YIF1A: variants seen among roughly 807,000 people sequenced by gnomAD.
YIF1A encodes Yip1 interacting factor homolog A, membrane trafficking protein.
Under a neutral mutation model 32.6 loss-of-function variants are expected in YIF1A, and 28 were observed. The observed-to-expected ratio is 0.86, with a 90% CI of 0.64 to 1.18. The LOEUF (loss-of-function observed/expected upper bound fraction) is 1.18. Ranked by LOEUF, YIF1A falls within the 50% of genes most tolerant of loss-of-function variation. The pLI is 0.00. For synonymous variants in YIF1A, 175 were observed against 162.2 expected (o/e 1.08, Z -0.60); for missense variants, 373 against 390.8 (o/e 0.95, Z 0.38).
At chr11:66,287,558 C>T (rs757592520) in intron 4 of YIF1A, 40 bp downstream of exon 4, 25 of 1,572,444 alleles carry the variant, frequency 1.6e-5, no homozygotes, top group Non-Finnish European at 2.1e-5. Context: ...CCCCCCCGAC[C>T]CCACCCCACC....
In YIF1A at chr11:66,285,503, G is replaced by T; in HGVS notation, c.519C>A (p.Ser173Arg). 6.2e-7 allele frequency: 1 copy of T among 1,613,192 alleles called. No individual in the cohort carries two copies. Among genetic ancestry groups the T allele is most frequent in the South Asian group, 1.1e-5 (1 of 91,082 alleles). The change falls in exon 6 of 8, where the codon AGC (serine) becomes AGA (arginine). Residue 173 changes from serine to arginine, a missense_variant. Ser to Arg is a moderately radical substitution (Grantham distance 110). Coordinates refer to ENST00000376901, the MANE Select transcript of YIF1A (RefSeq NM_020470.3). ...CCATCACCACCCACACCAGCGCTGT[G>T]CTTGCACACAGGCCCAGCACCTCCG... ...FSPEVLGLCA[S>R]TALVWVVMEV... is the part of the protein sequence containing the mutation.
At position 66,287,890 on chromosome 11, in the gene YIF1A, TTTGCTCACAGACAC is replaced by T; in HGVS notation, c.256_269del (p.Val86ThrfsTer35). 1 of 1,613,630 alleles carries T rather than the reference TTTGCTCACAGACAC, an allele frequency of 6.2e-7. No homozygotes were observed. Among genetic ancestry groups the T allele is most frequent in the Non-Finnish European group, 8.5e-7 (1 of 1,179,970 alleles). On this transcript the variant is annotated frameshift_variant, in exon 3 of 8. Coordinates refer to ENST00000376901, the MANE Select transcript of YIF1A (RefSeq NM_020470.3). LOFTEE classifies it high-confidence loss of function. Reference sequence around the variant, plus strand: ...TGTCCACAGCAAAAAAATACTTGAGTTTGCTCACAGACACAAAACGGTGCAGCTGGGAGGGGAGA... The same window carrying T: ...TGTCCACAGCAAAAAAATACTTGAGTAAAACGGTGCAGCTGGGAGGGGAGA...
chr11:66,287,466 G>A, intron 4 of YIF1A, 132 bp downstream of exon 4: 2 of 1,102,358 alleles, frequency 1.8e-6, no homozygotes, highest in South Asian at 1.4e-5. Context: ...TCTTGCAACT[G>A]CCACACATAC....
In YIF1A at chr11:66,285,469, C is replaced by T; in HGVS notation, c.553G>A (p.Ala185Thr). 2 of 1,613,292 alleles carry T rather than the reference C, an allele frequency of 1.2e-6. No individual in the cohort carries two copies. The highest frequency in any genetic ancestry group is 2.2e-5 in the South Asian group (2 of 91,086). ...GCCAGGTAGAGGCCCAGGAGCAGGG[C>T]CAGCACCTCCATCACCACCCACACC... is the stretch of plus-strand genomic sequence containing the variant. The part of the protein sequence containing the change: ...ALVWVVMEVL[A>T]LLLGLYLATV... Residue 185 changes from alanine (A) to threonine (T), a missense_variant, in exon 6 of 8, where the codon GCC becomes ACC. Transcript: ENST00000376901.
intron 6 of YIF1A, 63 bp downstream of exon 6, chr11:66,285,318 T>C: frequency 6.4e-7 from 1 of 1,572,862 alleles, no homozygotes; most frequent in Admixed American, 1.7e-5. Flanking sequence ...GGGTCACAGT[T>C]CGAGGCTACA....
intron 5 of YIF1A, 22 bp from the exon 6 acceptor site, chr11:66,285,558 TCAGAGCCAGGCATC>T (rs1857342479): frequency 4.3e-6 from 7 of 1,612,492 alleles, no homozygotes; most frequent in Non-Finnish European, 5.1e-6. Context: ...CAGGGGTGGC[TCAGAGCCAGGCATC>T]CTGAGGCAGG....
At chr11:66,288,651 G>C in intron 1 of YIF1A, among the ~76,000 whole-genome samples, 1 of 152,252 alleles carries the variant, frequency 6.6e-6, no homozygotes, top group Admixed American at 6.5e-5. Flanking sequence ...AGCTGGGAGA[G>C]GCGACAGCTG....
At chr11:66,288,827 G>A in intron 1 of YIF1A, 128 bp downstream of exon 1, 2 of 1,102,888 alleles carry the variant, frequency 1.8e-6, no homozygotes, top group Non-Finnish European at 2.4e-6. Context: ...TGTTACGAGG[G>A]GCAGGAACCC....
chr11:66,287,507 T>G, intron 4 of YIF1A, 91 bp downstream of exon 4: 1 of 1,393,734 alleles, frequency 7.2e-7, no homozygotes, highest in South Asian at 1.2e-5. Context: ...GCTGACTCAG[T>G]AGCTGCGCCT....
intron 4 of YIF1A, 70 bp from the exon 5 acceptor site, chr11:66,285,828 T>TATG: frequency 2.0e-5 from 31 of 1,537,618 alleles, no homozygotes; most frequent in Non-Finnish European, 2.7e-5. Context: ...GGCATTCGGG[T>TATG]TCACCGACAT....
intron 5 of YIF1A, 29 bp from the exon 6 acceptor site, chr11:66,285,565 C>T: frequency 6.2e-7 from 1 of 1,612,502 alleles, no homozygotes; most frequent in South Asian, 1.1e-5. Flanking sequence ...GGCTCAGAGC[C>T]AGGCATCCTG....
At chr11:66,288,892 G>A in intron 1 of YIF1A, 63 bp downstream of exon 1, 2 of 1,428,516 alleles carry the variant, frequency 1.4e-6, no homozygotes, top group South Asian at 1.5e-5. Context: ...CTCGGGGTGA[G>A]CGGGCCACGC....
chr11:66,287,724 G>A lies in YIF1A; in HGVS notation c.349-48C>T, dbSNP rs779304546. On this transcript the variant is annotated intron_variant, in intron 3 of 7. Coordinates refer to ENST00000376901, the MANE Select transcript of YIF1A (RefSeq NM_020470.3). ...CGGCCACATCAGGAGGGGAAGAAGA[G>A]AAAAGAGGAGAGAAGGGGGTTGAGG... 1.3e-5 allele frequency: 21 copies of A among 1,610,732 alleles called. No homozygotes were observed. In the South Asian group the frequency reaches 2.1e-4, roughly 16 times the overall value.
chr11:66,288,866 C>T lies in YIF1A; in HGVS notation c.31+89G>A. 3 of 1,384,118 alleles carry T rather than the reference C, an allele frequency of 2.2e-6. No homozygotes were observed. The South Asian group carries it at 4.6e-5, about 21-fold the overall frequency. The allele number at this position is 1,384,118 out of a possible 1,614,324, so 85.7% of individuals were successfully genotyped here. On this transcript the variant is annotated intron_variant, in intron 1 of 7. Transcript: ENST00000376901. ...TGACACCCCCGCCCTGGGCGGCGGT[C>T]CCAGTCGCTATCTCCCTCGGGGTGA...
intron 5 of YIF1A, 43 bp downstream of exon 5, chr11:66,285,658 A>G (rs1857344640): frequency 2.5e-6 from 4 of 1,612,394 alleles, no homozygotes; most frequent in Non-Finnish European, 3.4e-6. Context: ...TTGGGAGAAG[A>G]GCTCACAGGG....
At position 66,285,912 on chromosome 11, in the gene YIF1A, A is replaced by G. The variant is rs181855593; in HGVS notation, c.428-154T>C. On this transcript the variant is annotated intron_variant, in intron 4 of 7. Coordinates refer to ENST00000376901, the MANE Select transcript of YIF1A (RefSeq NM_020470.3). ...TTCTGCTTCCAAATGCCCTGCCTGG[A>G]ATGCCTGTCTCCGATCAGCCCTCTC... 4.0e-3 allele frequency among the ~76,000 whole-genome samples: 603 copies of G among 152,318 alleles called. 4 individuals are homozygous for G. The highest frequency in any genetic ancestry group is 0.013 in the African/African-American group (550 of 41,566).
chr11:66,286,588 CTG>C (rs766146057), intron 4 of YIF1A, among the ~76,000 whole-genome samples: 48 of 152,334 alleles, frequency 3.2e-4, no homozygotes, highest in Middle Eastern at 6.8e-3. Context: ...GATCACACCA[CTG>C]TACTCCAGAC....
At position 66,288,081 on chromosome 11, in the gene YIF1A, C is replaced by T. The variant is rs1018316322; in HGVS notation, c.243G>A (p.Glu81=). 2.5e-6 allele frequency: 4 copies of T among 1,613,194 alleles called. No homozygotes were observed. Among genetic ancestry groups the T allele is most frequent in the Non-Finnish European group, 3.4e-6 (4 of 1,179,876 alleles). Residue 81 remains glutamate, a splice_region_variant and synonymous_variant, in exon 2 of 8, where the codon GAG becomes GAA. Transcript: ENST00000376901. ...CCCGTGCCCCGGGGGCAGGCCACAC[C>T]TCCTTGTGCACCATGTCCTTCCCAT... The part of the protein sequence containing the change: ...ASHGKDMVHK[E]LHRFVSVSKL...
intron 2 of YIF1A, 40 bp downstream of exon 2, chr11:66,288,041 C>G: frequency 6.2e-7 from 1 of 1,610,482 alleles, no homozygotes; most frequent in Non-Finnish European, 8.5e-7. Context: ...CCAGCCCTAG[C>G]CAAAAATTCT....
Sources: gnomAD v4.1 joint callset for allele counts (sites outside exome capture counted in the v4.1 genomes callset) on GRCh38, gnomAD v4.1.1 for gene constraint, MANE v1.5 for transcripts, NCBI Gene and HGNC (gene_info 2026-07-23, HGNC 2026-07-21) for gene names.